FKRP: variants seen among roughly 807,000 people sequenced by gnomAD.
FKRP encodes the protein fukutin related protein.
Under a neutral mutation model 30.6 loss-of-function variants are expected in FKRP, and 25 were observed. That is an observed-to-expected ratio of 0.82 (90% CI 0.60 to 1.14). FKRP has a LOEUF of 1.14. Among genes scored for constraint, FKRP ranks in the 50% most tolerant of loss-of-function variants. The probability of loss-of-function intolerance (pLI) is 0.00; values close to 1 mark genes in which losing one functional copy is unlikely to be tolerated. For missense variants in FKRP, 771 were observed against 727.8 expected (o/e 1.06, Z -0.68); for synonymous variants, 358 against 342.5 (o/e 1.05, Z -0.50).
chr19:46,756,337 G>T lies in FKRP; in HGVS notation c.887G>T (p.Cys296Phe). ...WFGCNKETTRCFGTVVGDTPA... is the reference protein window; with the variant it reads ...WFGCNKETTRFFGTVVGDTPA... Reference sequence around the variant, plus strand: ...GGCTGCAACAAGGAGACCACGCGCTGCTTCGGAACCGTGGTGGGCGACACG... The same window carrying T: ...GGCTGCAACAAGGAGACCACGCGCTTCTTCGGAACCGTGGTGGGCGACACG... The change falls in exon 4 of 4, where the codon TGC (cysteine) becomes TTC (phenylalanine). Residue 296 changes from cysteine (C) to phenylalanine (F), a missense_variant. Coordinates refer to ENST00000318584, the MANE Select transcript of FKRP (RefSeq NM_024301.5). This position sits in a 1 kb window ranked among gnomAD's most constrained non-coding sequence, Gnocchi z 6.6. 1 of 1,558,714 alleles carries T rather than the reference G, an allele frequency of 6.4e-7. No homozygotes were observed. The highest frequency in any genetic ancestry group is 2.4e-5 in the East Asian group (1 of 42,168).
At chr19:46,745,956 C>T, upstream of FKRP, 4 of 617,960 alleles carry the variant, frequency 6.5e-6, no homozygotes, top group Admixed American at 1.4e-4. Context: ...CGGTCCCGTC[C>T]CACCCCGGAG....
At chr19:46,746,112 C>CCGGGA (rs2122468553) in intron 1 of FKRP, 22 bp downstream of exon 1, 1 of 1,406,372 alleles carries the variant, frequency 7.1e-7, no homozygotes, top group South Asian at 1.3e-5. Context: ...CCGGGCCGGG[C>CCGGGA]CGGGTTGGGG....
chr19:46,755,639 G>A lies in FKRP; in HGVS notation c.189G>A (p.Val63=). The A allele has an allele frequency of 6.3e-7, 1 of 1,599,716 alleles. No homozygotes were observed. The highest frequency in any genetic ancestry group is 8.5e-7 in the Non-Finnish European group (1 of 1,177,666). ...VREFEAFDNA[V]PELVDSFLQQ... ...AGTTCGAGGCATTTGACAACGCGGT[G>A]CCCGAGCTGGTAGACTCCTTCCTGC... Residue 63 remains valine (V), a synonymous_variant, in exon 4 of 4, where the codon GTG becomes GTA. Transcript: ENST00000318584.
intron 1 of FKRP, chr19:46,746,425 C>T: frequency 9.7e-7 from 1 of 1,028,888 alleles, no homozygotes; most frequent in Non-Finnish European, 1.2e-6. Flanking sequence ...CTCGCTCCTC[C>T]ATCATGGAGG....
In FKRP at chr19:46,755,819, C is replaced by A; in HGVS notation, c.369C>A (p.Thr123=). 1 of 1,510,836 alleles carries A rather than the reference C, an allele frequency of 6.6e-7. No homozygotes were observed. Among genetic ancestry groups the A allele is most frequent in the East Asian group, 2.5e-5 (1 of 40,544 alleles). 93.6% of individuals were successfully genotyped at this position (1,510,836 alleles called of 1,614,324 possible). A position where few individuals can be genotyped will look rare whatever the true frequency, so the allele number is the denominator to read the frequency against. Residue 123 remains threonine (T), a synonymous_variant, in exon 4 of 4, where the codon ACC becomes ACA. Coordinates refer to ENST00000318584, the MANE Select transcript of FKRP (RefSeq NM_024301.5). Reference sequence around the variant, plus strand: ...CGCGCCCGGAGACCTACGTGGCCACCGAGTTTGTGGCCCTAGTACCTGATG... The same window carrying A: ...CGCGCCCGGAGACCTACGTGGCCACAGAGTTTGTGGCCCTAGTACCTGATG... ...AASRPETYVA[T]EFVALVPDGA... is the part of the protein sequence containing the mutation.
upstream of FKRP, among the ~76,000 whole-genome samples, chr19:46,744,761 G>A (rs2054544226): frequency 6.6e-6 from 1 of 151,768 alleles, no homozygotes; most frequent in South Asian, 2.1e-4. Context: ...AATCGGAAGG[G>A]GAAAGGTGGG....
Position 46,757,077 on chromosome 19 carries a change from G to A in FKRP, c.*139G>A. On this transcript the variant is annotated 3_prime_UTR_variant, in exon 4 of 4. Transcript: ENST00000318584. ...AAGAAAGAAATTCTAAGGAGAGCATGAGAGAAGGCTGGCATTGGCAGGAGG... is the reference window on the plus strand; with the variant it reads ...AAGAAAGAAATTCTAAGGAGAGCATAAGAGAAGGCTGGCATTGGCAGGAGG... 1 of 1,183,992 alleles carries A rather than the reference G, an allele frequency of 8.4e-7. No individual in the cohort carries two copies. Among genetic ancestry groups the A allele is most frequent in the South Asian group, 1.3e-5 (1 of 74,802 alleles). The allele number at this position is 1,183,992 out of a possible 1,614,324, so 73.3% of individuals were successfully genotyped here.
intron 1 of FKRP, 113 bp from the exon 2 acceptor site, chr19:46,747,914 T>C (rs1435182500): frequency 1.3e-5 from 2 of 152,196 alleles, no homozygotes; most frequent in African/African-American, 4.8e-5. Context: ...TTATAGGACT[T>C]CAAGAGAAAG....
intron 3 of FKRP, 50 bp from the exon 4 acceptor site, chr19:46,755,362 G>A (rs1404376813): frequency 8.4e-7 from 1 of 1,184,304 alleles, no homozygotes; most frequent in East Asian, 2.6e-5. Flanking sequence ...GGCAGAAGGG[G>A]GTGGTTCTGA....
intron 3 of FKRP, among the ~76,000 whole-genome samples, chr19:46,752,151 G>A (rs1275608999): frequency 6.6e-6 from 1 of 152,182 alleles, no homozygotes; most frequent in Non-Finnish European, 1.5e-5. Flanking sequence ...GGCTTTTCCT[G>A]CGAGGTGCCA....
At chr19:46,746,849 A>T (rs2054649107) in intron 1 of FKRP, 1 of 152,238 alleles carries the variant, frequency 6.6e-6, no homozygotes, top group Non-Finnish European at 1.5e-5. Context: ...ATCCTCTCTG[A>T]TTGCCGGCCA....
chr19:46,747,127 C>T (rs2054661229), intron 1 of FKRP: 1 of 152,544 alleles, frequency 6.6e-6, no homozygotes, highest in Non-Finnish European at 1.5e-5. Context: ...GCACCTCTTC[C>T]CCAGCCCCTC....
In FKRP at chr19:46,755,516, C is replaced by G; in HGVS notation, c.66C>G (p.Phe22Leu). Residue 22 changes from phenylalanine (F) to leucine (L), a missense_variant, in exon 4 of 4, where the codon TTC becomes TTG. Transcript: ENST00000318584. ...AAITLNLLVL[F>L]YVSWLQHQPR... ...TCACCCTCAACCTTCTGGTCCTCTT[C>G]TATGTCTCGTGGCTGCAGCACCAGC... 6.2e-7 allele frequency: 1 copy of G among 1,611,014 alleles called. No homozygotes were observed. Among genetic ancestry groups the G allele is most frequent in the Non-Finnish European group, 8.5e-7 (1 of 1,178,992 alleles).
chr19:46,747,529 G>A (rs2054678515), intron 1 of FKRP: 1 of 151,972 alleles, frequency 6.6e-6, no homozygotes, highest in African/African-American at 2.4e-5. Flanking sequence ...AAGTAGCTGG[G>A]ATTACAGGCA....
At chr19:46,745,095 C>A (rs1172430418), upstream of FKRP, among the ~76,000 whole-genome samples, 5 of 150,208 alleles carry the variant, frequency 3.3e-5, no homozygotes, top group East Asian at 5.9e-4. Context: ...CTACAAAATT[C>A]TCCCCCCTAA....
chr19:46,747,385 G>C (rs1318253166), intron 1 of FKRP: 5 of 147,662 alleles, frequency 3.4e-5, no homozygotes, highest in Non-Finnish European at 7.4e-5. Flanking sequence ...ACAAAGGAGG[G>C]GATTTTTTTT....
At position 46,758,193 on chromosome 19, in the gene FKRP, G is replaced by C. The variant is rs779954754; in HGVS notation, c.*1255G>C. ...CAGAATCGTGAAGTCACTTGCTCAA[G>C]GTCAGGCAGCTTAGGAAGGGGCAGA... is the stretch of plus-strand genomic sequence containing the variant. On this transcript the variant is annotated 3_prime_UTR_variant, in exon 4 of 4. Transcript: ENST00000318584. 5 of 167,108 alleles carry C rather than the reference G, an allele frequency of 3.0e-5. No individual in the cohort carries two copies. The highest frequency in any genetic ancestry group is 7.3e-5 in the Non-Finnish European group (5 of 68,148). The allele number at this position is 167,108 out of a possible 1,614,324, so 10.4% of individuals were successfully genotyped here. A position where few individuals can be genotyped will look rare whatever the true frequency, so the allele number is the denominator to read the frequency against.
upstream of FKRP, chr19:46,745,906 C>T: frequency 2.5e-6 from 1 of 400,288 alleles, no homozygotes; most frequent in Non-Finnish European, 4.3e-6. Flanking sequence ...CCGGTGATCC[C>T]TCCCACCCCC....
At position 46,755,821 on chromosome 19, in the gene FKRP, A is replaced by G. The variant is rs1457269190; in HGVS notation, c.371A>G (p.Glu124Gly). ...CGCCCGGAGACCTACGTGGCCACCGAGTTTGTGGCCCTAGTACCTGATGGG... is the reference window on the plus strand; with the variant it reads ...CGCCCGGAGACCTACGTGGCCACCGGGTTTGTGGCCCTAGTACCTGATGGG... ...ASRPETYVAT[E>G]FVALVPDGAR... Residue 124 changes from glutamate (E) to glycine (G), a missense_variant, in exon 4 of 4, where the codon GAG (glutamate) becomes GGG (glycine). Coordinates refer to ENST00000318584, the MANE Select transcript of FKRP (RefSeq NM_024301.5). 1.3e-6 allele frequency: 2 copies of G among 1,510,272 alleles called. No homozygotes were observed. The highest frequency in any genetic ancestry group is 1.4e-5 in the African/African-American group (1 of 72,430). The allele number at this position is 1,510,272 out of a possible 1,614,324, so 93.6% of individuals were successfully genotyped here.
Sources: allele counts gnomAD v4.1 joint callset (sites outside exome capture counted in the v4.1 genomes callset), GRCh38; gene constraint gnomAD v4.1.1; non-coding constraint Gnocchi (gnomAD v3.1); transcripts MANE v1.5; gene names NCBI Gene and HGNC (gene_info 2026-07-23, HGNC 2026-07-21).